Variants in ZNF248 observed in about 807,000 individuals in gnomAD.
ZNF248 encodes KRAB protein domain.
Under a neutral mutation model 44.3 loss-of-function variants are expected in ZNF248, and 20 were observed. That is an observed-to-expected ratio of 0.45 (90% confidence interval 0.32 to 0.66). The LOEUF (loss-of-function observed/expected upper bound fraction) is 0.66. Ranked by LOEUF, ZNF248 falls within the 30% of genes least tolerant of loss-of-function variation. The pLI, the probability that ZNF248 is intolerant of heterozygous loss-of-function variation, is 0.04. For synonymous variants in ZNF248, 224 were observed against 229.0 expected (o/e 0.98, Z 0.20); for missense variants, 654 against 677.0 (o/e 0.97, Z 0.38).
chr10:37,819,009 C>T, intron 6 of ZNF248: 1 of 900,512 alleles, frequency 1.1e-6, no homozygotes, highest in South Asian at 1.3e-5. Context: ...TAAGTGCCAG[C>T]ACCTTGTGAT....
intron 6 of ZNF248, among the ~76,000 whole-genome samples, chr10:37,821,525 C>T (rs891911409): frequency 1.3e-5 from 2 of 152,164 alleles, no homozygotes; most frequent in African/African-American, 4.8e-5. Flanking sequence ...AAGAGCCTCA[C>T]TCCGCAGTAC....
chr10:37,777,185 G>GA lies in ZNF248; in HGVS notation c.331-611dup, dbSNP rs765623040. On this transcript the variant is annotated intron_variant, in intron 6 of 6. Transcript: ENST00000615949. ...CCTGCACATTCTACAAACCTGCAGGGAAAAACAAAACAAAACAAAAAAAAG... is the reference window on the plus strand; with the variant it reads ...CCTGCACATTCTACAAACCTGCAGGGAAAAAACAAAACAAAACAAAAAAAAG... 4.1e-4 allele frequency among the ~76,000 whole-genome samples: 63 copies of GA among 152,054 alleles called. No homozygotes were observed. The Middle Eastern group carries it at 0.01, about 25-fold the overall frequency.
intron 3 of ZNF248, 124 bp from the exon 4 acceptor site, chr10:37,838,235 A>G: frequency 1.3e-6 from 1 of 773,974 alleles, no homozygotes; most frequent in Non-Finnish European, 2.0e-6. Context: ...GTGCTGCTAT[A>G]CTATACAGAA....
the ZNF248 span, among the ~76,000 whole-genome samples, chr10:37,769,915 TTCAGCAAGGTC>T: frequency 3.3e-5 from 5 of 152,190 alleles, no homozygotes; most frequent in Admixed American, 3.3e-4. Context: ...GATAAGCAAC[TTCAGCAAGGTC>T]TCAGGATACA....
At chr10:37,758,817 T>C in the ZNF248 span, among the ~76,000 whole-genome samples, 1 of 152,256 alleles carries the variant, frequency 6.6e-6, no homozygotes, top group Non-Finnish European at 1.5e-5. Flanking sequence ...CTGTTTTTAA[T>C]GTTTTTGATG....
chr10:37,831,077 T>C lies in ZNF248; in HGVS notation c.*538A>G, dbSNP rs2055493374. 2.3e-6 allele frequency: 3 copies of C among 1,319,886 alleles called. No homozygotes were observed. The highest frequency in any genetic ancestry group is 3.0e-6 in the Non-Finnish European group (3 of 1,016,874). The allele number at this position is 1,319,886 out of a possible 1,614,324, so 81.8% of individuals were successfully genotyped here. ...ATGTACATACACATATATAATTATG[T>C]CAACCTATAAAGACACCAATGGTAT... On this transcript the variant is annotated 3_prime_UTR_variant, in exon 6 of 6. Coordinates refer to ENST00000395867, the MANE Select transcript of ZNF248 (RefSeq NM_021045.3).
At chr10:37,789,612 T>C (rs896469807) in intron 6 of ZNF248, among the ~76,000 whole-genome samples, 22 of 152,154 alleles carry the variant, frequency 1.4e-4, no homozygotes, top group Non-Finnish European at 2.9e-5. Flanking sequence ...AGCTTACTCA[T>C]CCAAAAATGT....
intron 3 of ZNF248, among the ~76,000 whole-genome samples, chr10:37,851,945 T>A (rs1349966715): frequency 1.3e-5 from 2 of 152,052 alleles, no homozygotes; most frequent in African/African-American, 4.8e-5. Context: ...AACAGGTGGA[T>A]GATTAAACTG....
intron 6 of ZNF248, among the ~76,000 whole-genome samples, chr10:37,822,060 G>A (rs111481015): frequency 0.015 from 2,272 of 152,212 alleles, 56 homozygotes; most frequent in African/African-American, 0.051. Context: ...TCCCGGTGTC[G>A]TCAGAGGCCC....
chr10:37,765,552 G>C, the ZNF248 span, among the ~76,000 whole-genome samples: 589 of 152,262 alleles, frequency 3.9e-3, 5 homozygotes, highest in African/African-American at 0.014. Flanking sequence ...CATTTAGCAT[G>C]GTATATTATC....
At chr10:37,781,068 C>T (rs1037454779) in intron 6 of ZNF248, among the ~76,000 whole-genome samples, 1 of 152,000 alleles carries the variant, frequency 6.6e-6, no homozygotes, top group African/African-American at 2.4e-5. Context: ...TTTAATAGTG[C>T]GCTTTCAAAA....
chr10:37,830,384 T>C lies in ZNF248; in HGVS notation c.*1231A>G, dbSNP rs2055299073. 1.0e-6 allele frequency: 1 copy of C among 985,400 alleles called. No homozygotes were observed. Among genetic ancestry groups the C allele is most frequent in the Non-Finnish European group, 1.2e-6 (1 of 829,930 alleles). The allele number at this position is 985,400 out of a possible 1,614,324, so 61.0% of individuals were successfully genotyped here. A position where few individuals can be genotyped will look rare whatever the true frequency, so the allele number is the denominator to read the frequency against. ...AGAGGAAAGGTACGTGATATAGTTC[T>C]TTGTGAAATAATATTTCACTAAAAA... On this transcript the variant is annotated 3_prime_UTR_variant, in exon 6 of 6. Coordinates refer to ENST00000395867, the MANE Select transcript of ZNF248 (RefSeq NM_021045.3).
the ZNF248 span, among the ~76,000 whole-genome samples, chr10:37,766,516 GTC>G: frequency 9.9e-5 from 15 of 152,272 alleles, 2 homozygotes; most frequent in African/African-American, 3.4e-4. Flanking sequence ...GGCAAACAGG[GTC>G]TGGAGTGGAC....
intron 6 of ZNF248, among the ~76,000 whole-genome samples, chr10:37,776,996 G>T (rs1415353338): frequency 2.0e-5 from 3 of 152,176 alleles, no homozygotes; most frequent in African/African-American, 7.2e-5. Context: ...CTTATCAGCT[G>T]AGGTTAACTA....
the ZNF248 span, among the ~76,000 whole-genome samples, chr10:37,767,156 C>T: frequency 6.6e-6 from 1 of 152,098 alleles, no homozygotes; most frequent in African/African-American, 2.4e-5. Context: ...GATTGGTGTA[C>T]CTGAAAGTGA....
At chr10:37,834,047 T>G (rs985320872) in intron 5 of ZNF248, among the ~76,000 whole-genome samples, 6 of 152,132 alleles carry the variant, frequency 3.9e-5, no homozygotes, top group Non-Finnish European at 8.8e-5. Context: ...TGCTCATCCC[T>G]AATAACATAC....
At chr10:37,800,784 T>C (rs1201763879) in intron 6 of ZNF248, among the ~76,000 whole-genome samples, 1 of 151,382 alleles carries the variant, frequency 6.6e-6, no homozygotes, top group African/African-American at 2.4e-5. Flanking sequence ...TTTTTTGAGA[T>C]GGAGTCTCTC....
intron 6 of ZNF248, among the ~76,000 whole-genome samples, chr10:37,822,223 G>A (rs751817887): frequency 5.9e-5 from 9 of 152,186 alleles, no homozygotes; most frequent in East Asian, 1.9e-4. Context: ...GGTCTGGAGC[G>A]GTCTTAAATA....
intron 6 of ZNF248, among the ~76,000 whole-genome samples, chr10:37,815,851 G>A (rs931510120): frequency 6.6e-6 from 1 of 152,010 alleles, no homozygotes; most frequent in Non-Finnish European, 1.5e-5. Flanking sequence ...TGAAAGATTA[G>A]ACTGAGATGT....
Sources: allele counts gnomAD v4.1 joint callset (sites outside exome capture counted in the v4.1 genomes callset), GRCh38; gene constraint gnomAD v4.1.1; transcripts MANE v1.5; gene names NCBI Gene and HGNC (gene_info 2026-07-23, HGNC 2026-07-21).